Variants in ACYP2 observed in about 807,000 individuals in gnomAD.
ACYP2 encodes the protein acylphosphatase 2.
A neutral mutation model predicts 11.2 loss-of-function variants in ACYP2; 12 were observed. That is an observed-to-expected ratio of 1.08 (90% CI 0.69 to 1.74). The LOEUF is 1.74. Ranked by LOEUF, ACYP2 falls within the 40% of genes most tolerant of loss-of-function variation. The pLI, the probability that ACYP2 is intolerant of heterozygous loss-of-function variation, is 0.00. For missense variants in ACYP2, 134 were observed against 101.9 expected (o/e 1.31, Z -1.35); for synonymous variants, 43 against 32.2 (o/e 1.33, Z -1.13).
intron 2 of ACYP2, among the ~76,000 whole-genome samples, chr2:54,021,376 T>C (rs1211297373): frequency 1.3e-5 from 2 of 152,130 alleles, no homozygotes; most frequent in African/African-American, 2.4e-5. Context: ...AAATGGAGAA[T>C]GAAGAACAGG....
rs890291936 is a variant in ACYP2, at chr2:54,247,427, T to C, written c.405-57261T>C. On this transcript the variant is annotated intron_variant, in intron 6 of 6. Transcript: ENST00000607452. The stretch of plus-strand genomic sequence containing the variant: ...ATCTGGAATTAAAGCAGAAAGCTCA[T>C]TGGAGCTGCTGAACACCTCAAAATA... Among the ~76,000 whole-genome samples the C allele has an allele frequency of 5.3e-5, 8 of 152,202 alleles. No homozygotes were observed. In the East Asian group the frequency reaches 7.7e-4, roughly 15 times the overall value.
At chr2:54,260,594 C>T (rs553625588) in intron 6 of ACYP2, among the ~76,000 whole-genome samples, 1 of 152,068 alleles carries the variant, frequency 6.6e-6, no homozygotes, top group Non-Finnish European at 1.5e-5. Flanking sequence ...GTGGTCTGAT[C>T]AATGAATTGG....
At chr2:54,138,445 G>A (rs931210410) in intron 5 of ACYP2, among the ~76,000 whole-genome samples, 194 bp from the exon 3 acceptor site, 1 of 152,174 alleles carries the variant, frequency 6.6e-6, no homozygotes, top group East Asian at 1.9e-4. Context: ...TACTGAAAGT[G>A]AAATTTAACA....
chr2:54,049,669 A>G (rs1340669499), intron 2 of ACYP2, among the ~76,000 whole-genome samples: 1 of 152,114 alleles, frequency 6.6e-6, no homozygotes, highest in African/African-American at 2.4e-5. Context: ...ACTCCCCCCA[A>G]ACAACTATGA....
intron 4 of ACYP2, among the ~76,000 whole-genome samples, chr2:54,110,915 A>G (rs998805036): frequency 1.3e-5 from 2 of 152,054 alleles, no homozygotes; most frequent in Non-Finnish European, 2.9e-5. Flanking sequence ...ACTGCCAAGC[A>G]GAGCAAAGAG....
intron 2 of ACYP2, among the ~76,000 whole-genome samples, chr2:53,981,261 A>G (rs1326319793): frequency 1.3e-5 from 2 of 152,222 alleles, no homozygotes; most frequent in Non-Finnish European, 2.9e-5. Context: ...GATTTGGACA[A>G]AGCACACAAA....
At chr2:54,066,376 G>A (rs958435552) in intron 4 of ACYP2, among the ~76,000 whole-genome samples, 5 of 152,184 alleles carry the variant, frequency 3.3e-5, no homozygotes, top group African/African-American at 1.2e-4. Flanking sequence ...GCAGAACTGT[G>A]AGTCAATTAA....
At chr2:54,072,644 C>A (rs1677125936) in intron 4 of ACYP2, among the ~76,000 whole-genome samples, 1 of 151,120 alleles carries the variant, frequency 6.6e-6, no homozygotes, top group African/African-American at 2.4e-5. Context: ...CTCACTGCAA[C>A]CTCTGCCCCC....
intron 6 of ACYP2, among the ~76,000 whole-genome samples, chr2:54,300,942 A>C (rs181303454): frequency 6.6e-6 from 1 of 152,228 alleles, no homozygotes; most frequent in African/African-American, 2.4e-5. Flanking sequence ...TATTTTTAAA[A>C]ATTATGAGTA....
At chr2:54,267,227 C>G (rs962019252) in intron 6 of ACYP2, 41 of 1,512,942 alleles carry the variant, frequency 2.7e-5, no homozygotes, top group Non-Finnish European at 3.6e-5. Context: ...GTGCCTGGCA[C>G]AAAGAAGCTC....
At chr2:54,201,695 TCTC>T (rs1192534802) in intron 6 of ACYP2, among the ~76,000 whole-genome samples, 46 of 148,074 alleles carry the variant, frequency 3.1e-4, no homozygotes, top group African/African-American at 1.0e-3. Context: ...TCTCTCTCTC[TCTC>T]TTTTTTCTTT....
chr2:54,225,149 G>A (rs1331918706), intron 6 of ACYP2, among the ~76,000 whole-genome samples: 2 of 152,178 alleles, frequency 1.3e-5, no homozygotes, highest in Non-Finnish European at 2.9e-5. Context: ...TTAGTTACTA[G>A]GGATACACAC....
intron 6 of ACYP2, among the ~76,000 whole-genome samples, chr2:54,299,499 G>A (rs1387945203): frequency 6.6e-6 from 1 of 151,888 alleles, no homozygotes. Flanking sequence ...GGCTGAGGTG[G>A]GAGAATTGCT....
chr2:54,287,556 G>A (rs1348366528), intron 6 of ACYP2, among the ~76,000 whole-genome samples: 2 of 151,918 alleles, frequency 1.3e-5, no homozygotes, highest in Non-Finnish European at 2.9e-5. Flanking sequence ...GTTAGAGCAG[G>A]CAGTACAGTT....
At position 54,016,827 on chromosome 2, in the gene ACYP2, G is replaced by T. The variant is rs933081331; in HGVS notation, c.63-34131G>T. ...TGCAAGCTCCGCCTCCTGGGTTCAC[G>T]CCATTCTCCTGCCTCAGCCTCCCGA... On this transcript the variant is annotated intron_variant, in intron 2 of 6. Coordinates refer to ENST00000607452, the MANE Select transcript of ACYP2 (RefSeq NM_001320586.2). 3.3e-5 allele frequency among the ~76,000 whole-genome samples: 5 copies of T among 149,994 alleles called. No homozygotes were observed. In the South Asian group the frequency reaches 6.4e-4, roughly 19 times the overall value.
intron 4 of ACYP2, among the ~76,000 whole-genome samples, chr2:54,089,992 CA>C (rs1029219327): frequency 6.7e-6 from 1 of 150,250 alleles, no homozygotes; most frequent in African/African-American, 2.5e-5. Context: ...CTAAAAATAC[CA>C]AAATTAGCAG....
Position 54,012,829 on chromosome 2 carries a change from C to A in ACYP2, c.63-38129C>A, listed in dbSNP as rs182384517. Among the ~76,000 whole-genome samples, 7 of 152,228 alleles carry A rather than the reference C, an allele frequency of 4.6e-5. No individual in the cohort carries two copies. The East Asian group carries it at 1.4e-3, about 29-fold the overall frequency. ...CTAAGCCAGGTCAAGTCACTCTTGG[C>A]GCTGGAGTGGCTTCCCATCTCGTTC... On this transcript the variant is annotated intron_variant, in intron 2 of 6. Transcript: ENST00000607452.
At chr2:54,186,679 A>G (rs1022099074) in intron 6 of ACYP2, among the ~76,000 whole-genome samples, 6 of 151,930 alleles carry the variant, frequency 3.9e-5, no homozygotes, top group Admixed American at 3.9e-4. Flanking sequence ...ATGCCTGGCT[A>G]ATTTTTGTAT....
chr2:54,281,016 C>G (rs1381537049), intron 6 of ACYP2, among the ~76,000 whole-genome samples: 1 of 152,078 alleles, frequency 6.6e-6, no homozygotes, highest in African/African-American at 2.4e-5. Context: ...CTCTATGAGG[C>G]TAGGTCTTTT....
Sources: gnomAD v4.1 joint callset for allele counts (sites outside exome capture counted in the v4.1 genomes callset) on GRCh38, gnomAD v4.1.1 for gene constraint, MANE v1.5 for transcripts, NCBI Gene and HGNC (gene_info 2026-07-23, HGNC 2026-07-21) for gene names.